The following CNIH3 variants were observed in gnomAD, a reference collection of about 807,000 sequenced individuals.
CNIH3 encodes cornichon family AMPA receptor auxiliary protein 3, also known as protein cornichon homolog 3.
A neutral mutation model predicts 24.1 loss-of-function variants in CNIH3; 14 were observed. The ratio of observed to expected loss-of-function variants is 0.58; its 90% CI spans 0.38 to 0.91. The LOEUF (loss-of-function observed/expected upper bound fraction) is 0.91, where lower values mean the gene tolerates loss of function less well. CNIH3 is among the 40% of genes least tolerant of loss of function. The pLI is 0.00. For missense variants in CNIH3, 178 were observed against 196.8 expected (o/e 0.90, Z 0.57); for synonymous variants, 68 against 73.8 (o/e 0.92, Z 0.40).
At chr1:224,528,564 C>T (rs1678935769) in intron 2 of CNIH3, among the ~76,000 whole-genome samples, 1 of 152,266 alleles carries the variant, frequency 6.6e-6, no homozygotes, top group Non-Finnish European at 1.5e-5. Context: ...TTCAAGTGAT[C>T]CACCTCAGCC....
At chr1:224,686,441 A>C (rs1324113007) in intron 3 of CNIH3, among the ~76,000 whole-genome samples, 1 of 152,074 alleles carries the variant, frequency 6.6e-6, no homozygotes, top group Non-Finnish European at 1.5e-5. Flanking sequence ...AGTCTTTGCT[A>C]TTGTGAATAG....
chr1:224,584,522 G>A (rs1681414999), intron 5 of CNIH3, among the ~76,000 whole-genome samples: 1 of 152,232 alleles, frequency 6.6e-6, no homozygotes, highest in Non-Finnish European at 1.5e-5. Flanking sequence ...AAGTGCTGAT[G>A]TAAATCCTTC....
chr1:224,501,257 T>C (rs1677653371), intron 1 of CNIH3, among the ~76,000 whole-genome samples: 1 of 152,122 alleles, frequency 6.6e-6, no homozygotes, highest in Admixed American at 6.5e-5. Context: ...TTGTAGGGGT[T>C]TAAGAGTGTT....
chr1:224,587,540 A>T (rs1373928595), intron 5 of CNIH3: 4 of 152,244 alleles, frequency 2.6e-5, no homozygotes, highest in Non-Finnish European at 5.9e-5. Flanking sequence ...AAATGAGTGC[A>T]TGTTTACCTG....
At chr1:224,593,596 G>A (rs873831), downstream of CNIH3, among the ~76,000 whole-genome samples, 7,279 of 152,152 alleles carry the variant, frequency 0.048, 588 homozygotes, top group African/African-American at 0.16. Context: ...TTGAGATAAT[G>A]TTTATACTAA....
chr1:224,562,555 A>G (rs761003163), intron 3 of CNIH3, among the ~76,000 whole-genome samples: 10 of 152,180 alleles, frequency 6.6e-5, no homozygotes, highest in South Asian at 6.2e-4. Context: ...TTGTCCCCCC[A>G]AATCTCATGT....
rs1037537303 is a variant in CNIH3, at chr1:224,616,784, G to A, written c.-391G>A. On this transcript the variant is annotated 5_prime_UTR_variant, in exon 1 of 6. Coordinates refer to ENST00000272133, the MANE Select transcript of CNIH3 (RefSeq NM_152495.2). ...GGAGAAAAGCAGAGAGCTCTTCCTG[G>A]GGCGAATGGGACCTCCTCCCTCGGT... 16 of 1,044,664 alleles carry A rather than the reference G, an allele frequency of 1.5e-5. No homozygotes were observed. Among genetic ancestry groups the A allele is most frequent in the Non-Finnish European group, 1.7e-5 (15 of 868,314 alleles). The allele number at this position is 1,044,664 out of a possible 1,614,324, so 64.7% of individuals were successfully genotyped here.
intron 3 of CNIH3, among the ~76,000 whole-genome samples, chr1:224,711,734 G>A (rs897155640): frequency 6.9e-6 from 1 of 145,840 alleles, no homozygotes; most frequent in Non-Finnish European, 1.5e-5. Context: ...GATCAAGGCT[G>A]CAGTGAGCCT....
Position 224,580,475 on chromosome 1 carries a change from C to G in CNIH3, n.517-2689C>G, listed in dbSNP as rs922877074. On this transcript the variant is annotated intron_variant and non_coding_transcript_variant, in intron 4 of 5. Coordinates refer to the CNIH3 transcript ENST00000471578. Reference sequence around the variant, plus strand: ...ATTTCAAGGGCTTCAATATTTAAAGCGGAAAAGTGGGCAAAAGGGGAAAGG... The same window carrying G: ...ATTTCAAGGGCTTCAATATTTAAAGGGGAAAAGTGGGCAAAAGGGGAAAGG... Among the ~76,000 whole-genome samples, 4 of 151,988 alleles carry G rather than the reference C, an allele frequency of 2.6e-5. No homozygotes were observed. In the East Asian group the frequency reaches 7.7e-4, roughly 29 times the overall value.
At chr1:224,482,962 T>C (rs1676872807) in intron 1 of CNIH3, among the ~76,000 whole-genome samples, 1 of 152,166 alleles carries the variant, frequency 6.6e-6, no homozygotes, top group African/African-American at 2.4e-5. Context: ...TTGATCTAAA[T>C]CATCCCTCCT....
exon 3 of CNIH3, chr1:224,546,936 T>C: frequency 2.0e-6 from 2 of 983,846 alleles, no homozygotes; most frequent in Non-Finnish European, 2.4e-6. Context: ...AGACTGTGAC[T>C]ATGGTAAGCC....
chr1:224,476,693 G>A (rs1156986620), intron 1 of CNIH3, among the ~76,000 whole-genome samples: 2 of 152,098 alleles, frequency 1.3e-5, no homozygotes, highest in African/African-American at 4.8e-5. Context: ...TTCATGGACT[G>A]GAAGAATCAA....
upstream of CNIH3, among the ~76,000 whole-genome samples, chr1:224,612,843 C>T (rs1191962814): frequency 1.3e-5 from 2 of 151,700 alleles, no homozygotes; most frequent in African/African-American, 2.4e-5. This position sits in a 1 kb window ranked among gnomAD's most constrained non-coding sequence, Gnocchi z 4.7. Flanking sequence ...TTTGGTGTCA[C>T]GAAATTTTAT....
At chr1:224,509,445 A>G (rs1572385099) in intron 1 of CNIH3, among the ~76,000 whole-genome samples, 1 of 152,100 alleles carries the variant, frequency 6.6e-6, no homozygotes, top group Non-Finnish European at 1.5e-5. Context: ...TTCTGGCTCC[A>G]TGCTTTCCTC....
At chr1:224,713,517 G>A (rs565065190) in intron 3 of CNIH3, among the ~76,000 whole-genome samples, 1 of 152,296 alleles carries the variant, frequency 6.6e-6, no homozygotes, top group East Asian at 1.9e-4. Flanking sequence ...GTTACTCTGA[G>A]TTCTCTGAGC....
chr1:224,556,820 C>T (rs906560229), intron 3 of CNIH3, among the ~76,000 whole-genome samples: 29 of 152,120 alleles, frequency 1.9e-4, no homozygotes, highest in Admixed American at 7.9e-4. Flanking sequence ...CAGTGGCCTG[C>T]GGGTTGGGGA....
At chr1:224,686,944 C>T (rs749403507) in intron 3 of CNIH3, among the ~76,000 whole-genome samples, 1 of 152,240 alleles carries the variant, frequency 6.6e-6, no homozygotes, top group Non-Finnish European at 1.5e-5. Flanking sequence ...TACTCTACCT[C>T]TTCCTGCCTT....
intron 1 of CNIH3, among the ~76,000 whole-genome samples, chr1:224,630,413 T>A (rs1270421767): frequency 6.6e-6 from 1 of 152,090 alleles, no homozygotes; most frequent in Non-Finnish European, 1.5e-5. Context: ...GGGGATGATT[T>A]ATTTTTTAAT....
At chr1:224,696,466 G>A (rs1687182662) in intron 3 of CNIH3, among the ~76,000 whole-genome samples, 1 of 152,236 alleles carries the variant, frequency 6.6e-6, no homozygotes, top group African/African-American at 2.4e-5. Context: ...CTGTCTCATG[G>A]AGGAAGTCGG....
Sources: gnomAD v4.1 joint callset for allele counts (sites outside exome capture counted in the v4.1 genomes callset) on GRCh38, gnomAD v4.1.1 for gene constraint, Gnocchi (gnomAD v3.1) non-coding constraint, MANE v1.5 for transcripts, NCBI Gene and HGNC (gene_info 2026-07-23, HGNC 2026-07-21) for gene names.